OSBPL9: variants seen among roughly 807,000 people sequenced by gnomAD.
OSBPL9 encodes the protein oxysterol binding protein like 9, also known as oxysterol-binding protein-related protein 9.
Under a neutral mutation model 106.6 loss-of-function variants are expected in OSBPL9, and 40 were observed. The observed-to-expected ratio is 0.38, with a 90% CI of 0.29 to 0.49. OSBPL9 has a LOEUF of 0.49. Among genes scored for constraint, OSBPL9 ranks in the 20% least tolerant of loss-of-function variants. OSBPL9 has a pLI of 0.97. For synonymous variants in OSBPL9, 269 were observed against 295.4 expected (o/e 0.91, Z 0.92); for missense variants, 609 against 887.2 (o/e 0.69, Z 3.98).
chr1:51,727,617 G>T (rs1032032810), intron 4 of OSBPL9, among the ~76,000 whole-genome samples: 1 of 152,126 alleles, frequency 6.6e-6, no homozygotes, highest in Admixed American at 6.5e-5. Context: ...TAATCGTGGT[G>T]GTTACATGTG....
chr1:51,646,238 T>C (rs1646144605), intron 1 of OSBPL9, among the ~76,000 whole-genome samples: 2 of 152,206 alleles, frequency 1.3e-5, no homozygotes, highest in South Asian at 4.1e-4. Context: ...ATTAAGTCTT[T>C]CAATCTAAGA....
At position 51,761,858 on chromosome 1, in the gene OSBPL9, A is replaced by T; in HGVS notation, c.674-9A>T. On this transcript the variant is annotated splice_polypyrimidine_tract_variant and intron_variant, in intron 10 of 23. Coordinates refer to ENST00000428468, the MANE Select transcript of OSBPL9 (RefSeq NM_024586.6). ...TCTGTACCTTATTTTATACGTTCAAATCTCCTAGAACCTGTTCAGTTGTGT... is the reference window on the plus strand; with the variant it reads ...TCTGTACCTTATTTTATACGTTCAATTCTCCTAGAACCTGTTCAGTTGTGT... The T allele has an allele frequency of 6.3e-7, 1 of 1,595,430 alleles. No individual in the cohort carries two copies. The highest frequency in any genetic ancestry group is 8.6e-7 in the Non-Finnish European group (1 of 1,163,364).
At chr1:51,724,746 G>T (rs1662804993) in intron 4 of OSBPL9, 1 of 163,680 alleles carries the variant, frequency 6.1e-6, no homozygotes, top group Non-Finnish European at 1.3e-5. Flanking sequence ...AGCTGTCAGG[G>T]TTTTTTGCTT....
Position 51,674,501 on chromosome 1 carries a change from G to A in OSBPL9, c.241+4989G>A, listed in dbSNP as rs568661035. ...GTGAGGGACCTCTTATGTTTAAGGT[G>A]TCTGTGGGACACATAGATGATGGTA... On this transcript the variant is annotated intron_variant, in intron 3 of 23. Coordinates refer to ENST00000428468, the MANE Select transcript of OSBPL9 (RefSeq NM_024586.6). 7.2e-4 allele frequency among the ~76,000 whole-genome samples: 109 copies of A among 152,290 alleles called. 2 individuals are homozygous for A. In the South Asian group the frequency reaches 0.021, roughly 30 times the overall value.
chr1:51,554,192 A>G, the OSBPL9 span, among the ~76,000 whole-genome samples: 1 of 152,208 alleles, frequency 6.6e-6, no homozygotes. Context: ...ATACATACAC[A>G]CACAGAGGGA....
intron 3 of OSBPL9, among the ~76,000 whole-genome samples, chr1:51,671,691 T>TA (rs1390227135): frequency 6.6e-6 from 1 of 151,710 alleles, no homozygotes; most frequent in East Asian, 1.9e-4. Context: ...AAAAATAAAA[T>TA]ACGAAAGGAG....
intron 2 of OSBPL9, among the ~76,000 whole-genome samples, chr1:51,608,677 TG>T (rs72228350): frequency 0.14 from 19,679 of 140,168 alleles, 1,406 homozygotes; most frequent in Middle Eastern, 0.23. Context: ...ATTCCTGGAT[TG>T]GGGGGGGGGG....
chr1:51,527,370 T>C, the OSBPL9 span, among the ~76,000 whole-genome samples: 3 of 151,794 alleles, frequency 2.0e-5, no homozygotes, highest in East Asian at 5.8e-4. Flanking sequence ...ATGATGATGA[T>C]GGTGATTAAG....
chr1:51,709,089 G>T (rs1659240659), intron 3 of OSBPL9: 1 of 152,276 alleles, frequency 6.6e-6, no homozygotes, highest in South Asian at 2.1e-4. Context: ...ACACTCCTTT[G>T]TCAAGGACTT....
chr1:51,762,458 C>T (rs1389154440), intron 11 of OSBPL9, among the ~76,000 whole-genome samples: 2 of 152,084 alleles, frequency 1.3e-5, no homozygotes, highest in African/African-American at 4.8e-5. Flanking sequence ...AGGCACCATG[C>T]CTGGAATAAT....
chr1:51,681,217 T>G (rs1191096493), intron 3 of OSBPL9, among the ~76,000 whole-genome samples: 1 of 152,194 alleles, frequency 6.6e-6, no homozygotes, highest in African/African-American at 2.4e-5. Context: ...TTTCCCTACC[T>G]TTGTATATAA....
chr1:51,701,458 A>G (rs1260375758), intron 3 of OSBPL9, among the ~76,000 whole-genome samples: 1 of 152,026 alleles, frequency 6.6e-6, no homozygotes, highest in Non-Finnish European at 1.5e-5. Flanking sequence ...CCCTTTCTGT[A>G]TTTCTAATTT....
the OSBPL9 span, among the ~76,000 whole-genome samples, chr1:51,568,184 G>T: frequency 0.24 from 35,881 of 152,164 alleles, 5,158 homozygotes; most frequent in Middle Eastern, 0.33. Context: ...CTGACTTTCA[G>T]TTGAGGAACA....
At chr1:51,723,302 C>T (rs1434142742) in intron 4 of OSBPL9, among the ~76,000 whole-genome samples, 2 of 152,058 alleles carry the variant, frequency 1.3e-5, no homozygotes, top group African/African-American at 4.8e-5. Flanking sequence ...CCACCTGTTC[C>T]TCCTTCCCTC....
chr1:51,546,761 G>A, the OSBPL9 span, among the ~76,000 whole-genome samples: 8 of 150,636 alleles, frequency 5.3e-5, no homozygotes, highest in South Asian at 1.0e-3. Flanking sequence ...TTCAAAATAC[G>A]CAACACACAA....
upstream of OSBPL9, among the ~76,000 whole-genome samples, chr1:51,615,284 C>CA (rs1053806349): frequency 3.3e-5 from 5 of 151,056 alleles, no homozygotes; most frequent in African/African-American, 9.8e-5. Flanking sequence ...ACAAAACAAA[C>CA]AAAAAAAACA....
At chr1:51,546,696 C>CA in the OSBPL9 span, among the ~76,000 whole-genome samples, 11,894 of 103,002 alleles carry the variant, frequency 0.12, 532 homozygotes, top group African/African-American at 0.15. Flanking sequence ...GACTCTGTCT[C>CA]AAAAAAAAAA....
chr1:51,571,638 G>A, the OSBPL9 span, among the ~76,000 whole-genome samples: 2 of 152,146 alleles, frequency 1.3e-5, no homozygotes, highest in Non-Finnish European at 2.9e-5. Flanking sequence ...TTGCACTCCA[G>A]CCTGGGTGAC....
intron 5 of OSBPL9, 38 bp downstream of exon 5, chr1:51,745,669 GA>G: frequency 6.9e-7 from 1 of 1,443,458 alleles, no homozygotes; most frequent in South Asian, 1.6e-5. Context: ...TATATAAATA[GA>G]AAATGTTACT....
Sources: allele counts gnomAD v4.1 joint callset (sites outside exome capture counted in the v4.1 genomes callset), GRCh38; gene constraint gnomAD v4.1.1; transcripts MANE v1.5; gene names NCBI Gene and HGNC (gene_info 2026-07-23, HGNC 2026-07-21).